HHIP: variants seen among roughly 807,000 people sequenced by gnomAD.
HHIP encodes the protein hedgehog-interacting protein.
A neutral mutation model predicts 74.0 loss-of-function variants in HHIP; 12 were observed. The observed-to-expected ratio is 0.16, with a 90% CI of 0.10 to 0.26. The LOEUF (loss-of-function observed/expected upper bound fraction) is 0.26. Among genes scored for constraint, HHIP ranks in the 10% least tolerant of loss-of-function variants. HHIP has a pLI of 1.00. For missense variants in HHIP, 788 were observed against 845.0 expected, an observed-to-expected ratio of 0.93 and a Z score of 0.84; for synonymous variants, 309 against 311.6, an observed-to-expected ratio of 0.99 and a Z score of 0.09.
chr4:144,694,581 A>G (rs779340106), intron 4 of HHIP, among the ~76,000 whole-genome samples: 2 of 151,904 alleles, frequency 1.3e-5, no homozygotes, highest in Non-Finnish European at 2.9e-5. Flanking sequence ...AAACTTCATA[A>G]AAGCAAGAGG....
At chr4:144,647,077 A>C in intron 1 of HHIP, 123 bp downstream of exon 1, 1 of 778,322 alleles carries the variant, frequency 1.3e-6, no homozygotes, top group Non-Finnish European at 2.0e-6. Context: ...TTCTTTCCAT[A>C]ACTTTTCTAT....
chr4:144,718,938 A>G lies in HHIP; in HGVS notation c.1742A>G (p.Lys581Arg). The change falls in exon 11 of 13, where the codon AAA becomes AGA. Residue 581 changes from lysine (K) to arginine (R), a missense_variant. This residue lies in a region of HHIP where 343 missense variants were observed against 347.9 expected (regional missense o/e 0.99). Transcript: ENST00000296575. ...CAGACTCACAATGGAAAACTCTACAAAATTGTAGATCCCAAAAGGTGAGAT... is the reference window on the plus strand; with the variant it reads ...CAGACTCACAATGGAAAACTCTACAGAATTGTAGATCCCAAAAGGTGAGAT... The part of the protein sequence containing the change: ...MTQTHNGKLY[K>R]IVDPKRPLMP... 6.2e-7 allele frequency: 1 copy of G among 1,602,118 alleles called. No individual in the cohort carries two copies. Among genetic ancestry groups the G allele is most frequent in the East Asian group, 2.2e-5 (1 of 44,800 alleles).
chr4:144,738,163 T>A lies in HHIP; in HGVS notation c.*206T>A. The stretch of plus-strand genomic sequence containing the variant: ...TGCACATACACATACTCATAACCCC[T>A]ATATGCGTTGTTGCATAACAGATGA... On this transcript the variant is annotated 3_prime_UTR_variant, in exon 13 of 13. Transcript: ENST00000296575. The A allele has an allele frequency of 8.4e-7, 1 of 1,185,464 alleles. No individual in the cohort carries two copies. The highest frequency in any genetic ancestry group is 1.0e-6 in the Non-Finnish European group (1 of 957,956). 73.4% of individuals were successfully genotyped at this position (1,185,464 alleles called of 1,614,324 possible).
intron 4 of HHIP, among the ~76,000 whole-genome samples, chr4:144,676,864 A>G (rs1319028249): frequency 6.6e-6 from 1 of 152,238 alleles, no homozygotes; most frequent in Non-Finnish European, 1.5e-5. Flanking sequence ...AGGAAAGAAC[A>G]GGTGAACCGG....
intron 4 of HHIP, among the ~76,000 whole-genome samples, chr4:144,685,378 G>C (rs777519918): frequency 5.3e-5 from 8 of 152,150 alleles, no homozygotes; most frequent in Non-Finnish European, 1.0e-4. Flanking sequence ...AATATTTGGA[G>C]ATTTTTAAAT....
intron 4 of HHIP, among the ~76,000 whole-genome samples, chr4:144,666,240 A>T (rs1390244893): frequency 7.3e-6 from 1 of 136,484 alleles, no homozygotes; most frequent in East Asian, 2.2e-4. Context: ...GTTTCCTGAT[A>T]CTACAGTCGT....
chr4:144,722,932 C>T (rs1435659164), intron 11 of HHIP, among the ~76,000 whole-genome samples: 1 of 151,960 alleles, frequency 6.6e-6, no homozygotes, highest in Non-Finnish European at 1.5e-5. Context: ...TTCAGAATTA[C>T]ATAAATGTTC....
At chr4:144,730,961 C>T (rs370925143) in intron 11 of HHIP, among the ~76,000 whole-genome samples, 3 of 152,168 alleles carry the variant, frequency 2.0e-5, no homozygotes, top group African/African-American at 2.4e-5. Context: ...CTCTCTTTAT[C>T]TCATGCTCAC....
intron 4 of HHIP, among the ~76,000 whole-genome samples, chr4:144,700,939 A>G (rs1053073567): frequency 2.6e-5 from 4 of 152,210 alleles, no homozygotes; most frequent in Non-Finnish European, 4.4e-5. Flanking sequence ...CTGATCAGCA[A>G]ATAGTTCCAG....
chr4:144,701,277 C>T (rs901042593), intron 4 of HHIP, among the ~76,000 whole-genome samples: 4 of 151,690 alleles, frequency 2.6e-5, no homozygotes, highest in East Asian at 1.9e-4. Flanking sequence ...GTAGAAACTC[C>T]GCTTACTTCT....
In HHIP at chr4:144,741,362, TG is replaced by T. The variant is rs1211690366; in HGVS notation, c.*3406del. On this transcript the variant is annotated 3_prime_UTR_variant, in exon 13 of 13. Coordinates refer to ENST00000296575, the MANE Select transcript of HHIP (RefSeq NM_022475.3). ...ATACTAACAATTTTAATCCATTTGC[TG>T]TTTTTTTTTTTTTTTTGGTTTCTTT... is the stretch of plus-strand genomic sequence containing the variant. 7 of 147,962 alleles carry T rather than the reference TG, an allele frequency of 4.7e-5. No homozygotes were observed. In the East Asian group the frequency reaches 9.7e-4, roughly 21 times the overall value. 9.2% of individuals were successfully genotyped at this position (147,962 alleles called of 1,614,324 possible).
chr4:144,659,920 C>A, intron 4 of HHIP, 82 bp downstream of exon 4: 1 of 1,017,448 alleles, frequency 9.8e-7, no homozygotes, highest in South Asian at 1.4e-5. Context: ...GAAGGTATTT[C>A]TTTGTAATAA....
chr4:144,693,700 T>A (rs1199258407), intron 4 of HHIP, among the ~76,000 whole-genome samples: 1 of 152,004 alleles, frequency 6.6e-6, no homozygotes, highest in African/African-American at 2.4e-5. Flanking sequence ...TTTTTAGATA[T>A]GTATAATGTA....
intron 4 of HHIP, among the ~76,000 whole-genome samples, chr4:144,699,453 C>A (rs777237708): frequency 6.6e-6 from 1 of 152,110 alleles, no homozygotes; most frequent in Admixed American, 6.6e-5. Flanking sequence ...TTTCATTACA[C>A]AGACATGATT....
In HHIP at chr4:144,745,171, TTAATA is replaced by T. The variant is rs1731347529; in HGVS notation, c.*7217_*7221del. The T allele has an allele frequency of 6.6e-6, 1 of 152,202 alleles. No homozygotes were observed. Among genetic ancestry groups the T allele is most frequent in the African/African-American group, 2.4e-5 (1 of 41,460 alleles). The allele number at this position is 152,202 out of a possible 1,614,324, so 9.4% of individuals were successfully genotyped here. On this transcript the variant is annotated 3_prime_UTR_variant, in exon 13 of 13. Coordinates refer to ENST00000296575, the MANE Select transcript of HHIP (RefSeq NM_022475.3). ...TAAGTGTACAATTTCTTTTCTTAAT[TTAATA>T]TATTTATGTAAATGCATGCCTGAAA...
intron 12 of HHIP, among the ~76,000 whole-genome samples, chr4:144,736,466 TAA>T (rs1731125092): frequency 1.3e-5 from 2 of 152,148 alleles, no homozygotes; most frequent in African/African-American, 2.4e-5. Context: ...GAATATAACA[TAA>T]AGTGTCCATT....
intron 4 of HHIP, among the ~76,000 whole-genome samples, chr4:144,660,753 G>A (rs1728690968): frequency 6.6e-6 from 1 of 152,126 alleles, no homozygotes; most frequent in African/African-American, 2.4e-5. Context: ...CTTATCGTGT[G>A]AGAGTTAAGA....
intron 11 of HHIP, among the ~76,000 whole-genome samples, chr4:144,719,236 A>G (rs1730558567): frequency 6.6e-6 from 1 of 152,194 alleles, no homozygotes; most frequent in Non-Finnish European, 1.5e-5. Context: ...AAAGCCAGAA[A>G]GGGGCCCTGA....
intron 4 of HHIP, among the ~76,000 whole-genome samples, chr4:144,665,207 T>G (rs755804534): frequency 5.3e-5 from 8 of 152,116 alleles, no homozygotes; most frequent in Admixed American, 6.5e-5. Flanking sequence ...TAGCTGGGAT[T>G]ACAGGCATGT....
Sources: gnomAD v4.1 joint callset for allele counts (sites outside exome capture counted in the v4.1 genomes callset) on GRCh38, gnomAD v4.1.1 for gene constraint, gnomAD v4.1.1 regional missense constraint, MANE v1.5 for transcripts, NCBI Gene and HGNC (gene_info 2026-07-23, HGNC 2026-07-21) for gene names.